NRXN3: variants seen among roughly 807,000 people sequenced by gnomAD.
NRXN3 encodes neurexin III.
NRXN3 carries 32 observed loss-of-function variants against 137.6 expected under a neutral mutation model. The observed-to-expected ratio is 0.23, with a 90% confidence interval of 0.18 to 0.31. The LOEUF is 0.31. Ranked by LOEUF, NRXN3 falls within the 10% of genes least tolerant of loss-of-function variation. The pLI, the probability that NRXN3 is intolerant of heterozygous loss-of-function variation, is 1.00. For synonymous variants in NRXN3, 798 were observed against 784.5 expected, an observed-to-expected ratio of 1.02 and a Z score of -0.29; for missense variants, 1,574 against 2,062.5, an observed-to-expected ratio of 0.76 and a Z score of 4.59.
intron 4 of NRXN3, among the ~76,000 whole-genome samples, chr14:78,367,073 A>G (rs761074293): frequency 2.0e-5 from 3 of 152,186 alleles, no homozygotes; most frequent in Non-Finnish European, 2.9e-5. Context: ...CTCATTCCTG[A>G]TGCTCTCTGA....
chr14:78,286,451 G>A (rs550986262), intron 3 of NRXN3, among the ~76,000 whole-genome samples: 42 of 152,270 alleles, frequency 2.8e-4, no homozygotes, highest in African/African-American at 9.4e-4. Context: ...GTTTGGGACA[G>A]CCTTGGAGAC....
intron 8 of NRXN3, among the ~76,000 whole-genome samples, chr14:78,748,863 C>G (rs2098627212): frequency 6.6e-6 from 1 of 152,160 alleles, no homozygotes; most frequent in African/African-American, 2.4e-5. Context: ...ACCCTTGGCA[C>G]CTTCACCCAA....
At chr14:78,799,225 A>G (rs902579154) in intron 8 of NRXN3, among the ~76,000 whole-genome samples, 15 of 152,266 alleles carry the variant, frequency 9.9e-5, no homozygotes, top group African/African-American at 3.4e-4. Flanking sequence ...ATGACACCGA[A>G]GTTACCTCTT....
At chr14:79,504,639 T>TATATACATATATATATATATA (rs60009832) in intron 16 of NRXN3, among the ~76,000 whole-genome samples, 1 of 93,404 alleles carries the variant, frequency 1.1e-5, no homozygotes, top group Non-Finnish European at 2.2e-5. Context: ...AAATGAAGTT[T>TATATACATATATATATATATA]TTTATATATA....
intron 8 of NRXN3, among the ~76,000 whole-genome samples, chr14:78,722,778 G>A (rs1034489561): frequency 2.6e-5 from 4 of 152,120 alleles, no homozygotes; most frequent in African/African-American, 7.2e-5. Flanking sequence ...GGACACAAAG[G>A]CATTGACTGT....
rs1284462850 is a variant in NRXN3, at chr14:78,234,995, TA to T, written c.-703-7395del. ...ATTATCTGGCAGCCACAAATGCTTT[TA>T]TATATATATATATATATATATATAT... is the stretch of plus-strand genomic sequence containing the variant. On this transcript the variant is annotated intron_variant, in intron 1 of 20. Transcript: ENST00000335750. 1.0e-3 allele frequency among the ~76,000 whole-genome samples: 18 copies of T among 17,238 alleles called. 1 individual carries two copies. Among genetic ancestry groups the T allele is most frequent in the Admixed American group, 0.01 (11 of 1,054 alleles). 11.3% of individuals were successfully genotyped at this position (17,238 alleles called of 152,430 possible). A position where few individuals can be genotyped will look rare whatever the true frequency, so the allele number is the denominator to read the frequency against.
chr14:79,204,356 T>C (rs910006849), intron 15 of NRXN3, among the ~76,000 whole-genome samples: 5 of 151,756 alleles, frequency 3.3e-5, no homozygotes, highest in African/African-American at 1.2e-4. Context: ...TTCCAACAAA[T>C]GCCTCATATG....
intron 15 of NRXN3, among the ~76,000 whole-genome samples, chr14:79,348,628 C>T (rs535503285): frequency 1.3e-5 from 2 of 152,160 alleles, no homozygotes; most frequent in South Asian, 2.1e-4. Context: ...CCGCCCACCT[C>T]GGCCTCCCAA....
At chr14:78,592,797 C>T (rs187137885) in intron 4 of NRXN3, among the ~76,000 whole-genome samples, 18 of 152,288 alleles carry the variant, frequency 1.2e-4, no homozygotes, top group Non-Finnish European at 7.4e-5. Context: ...TGCGTGACAA[C>T]TGGGGACTCG....
chr14:79,498,878 A>G (rs1437742336), intron 16 of NRXN3, among the ~76,000 whole-genome samples: 1 of 152,202 alleles, frequency 6.6e-6, no homozygotes, highest in Non-Finnish European at 1.5e-5. Flanking sequence ...TCAAACTCCT[A>G]GAGTCAAGTG....
intron 10 of NRXN3, among the ~76,000 whole-genome samples, chr14:78,879,405 T>C (rs1241530375): frequency 6.6e-6 from 1 of 152,204 alleles, no homozygotes; most frequent in Non-Finnish European, 1.5e-5. Context: ...TCTATAGTAA[T>C]AGCTAATCTA....
At chr14:79,550,619 C>T (rs2097364371) in intron 16 of NRXN3, among the ~76,000 whole-genome samples, 1 of 152,140 alleles carries the variant, frequency 6.6e-6, no homozygotes, top group African/African-American at 2.4e-5. Flanking sequence ...AGGTCCCCTG[C>T]ACTGTGAGTG....
intron 15 of NRXN3, among the ~76,000 whole-genome samples, chr14:79,076,380 G>T (rs1313272841): frequency 6.6e-6 from 1 of 152,166 alleles, no homozygotes; most frequent in African/African-American, 2.4e-5. Context: ...CTCTGGCTTA[G>T]AGTCCCTCCA....
chr14:78,198,325 G>A (rs1206646664), intron 1 of NRXN3, among the ~76,000 whole-genome samples: 1 of 152,218 alleles, frequency 6.6e-6, no homozygotes, highest in African/African-American at 2.4e-5. Flanking sequence ...TATTATGGCA[G>A]AGGTGAGCAC....
intron 10 of NRXN3, among the ~76,000 whole-genome samples, chr14:78,867,477 A>G (rs919600663): frequency 6.6e-6 from 1 of 152,162 alleles, no homozygotes; most frequent in African/African-American, 2.4e-5. Context: ...GTGCTAGGTA[A>G]TGGAGCTCAG....
chr14:78,681,469 G>C (rs534895999), intron 6 of NRXN3, among the ~76,000 whole-genome samples: 1 of 152,286 alleles, frequency 6.6e-6, no homozygotes, highest in South Asian at 2.1e-4. Context: ...CATATTTTCA[G>C]TTTTCAAAAT....
At chr14:79,608,338 G>C (rs1304396360) in intron 16 of NRXN3, among the ~76,000 whole-genome samples, 1 of 152,138 alleles carries the variant, frequency 6.6e-6, no homozygotes, top group Non-Finnish European at 1.5e-5. Flanking sequence ...GTGAAATTTT[G>C]GGATTAGATT....
chr14:78,417,484 A>G (rs1018374743), intron 4 of NRXN3, among the ~76,000 whole-genome samples: 1 of 152,168 alleles, frequency 6.6e-6, no homozygotes, highest in Admixed American at 6.5e-5. Context: ...CACTTCTCAC[A>G]TAGCATTATT....
intron 10 of NRXN3, among the ~76,000 whole-genome samples, chr14:78,856,879 G>A (rs1009526249): frequency 7.9e-5 from 12 of 151,998 alleles, no homozygotes; most frequent in African/African-American, 2.4e-4. Flanking sequence ...GATTACAGGC[G>A]TGTGTCACAA....
Sources: allele counts gnomAD v4.1 joint callset (sites outside exome capture counted in the v4.1 genomes callset), GRCh38; gene constraint gnomAD v4.1.1; transcripts MANE v1.5; gene names NCBI Gene and HGNC (gene_info 2026-07-23, HGNC 2026-07-21).